The following RBFOX1 variants were observed in gnomAD, a reference collection of about 807,000 sequenced individuals.
The protein encoded by RBFOX1 is RNA binding protein fox-1 homolog 1.
Under a neutral mutation model 57.7 loss-of-function variants are expected in RBFOX1, and 8 were observed. The ratio of observed to expected loss-of-function variants is 0.14; its 90% confidence interval spans 0.08 to 0.25. The LOEUF is 0.25. Among genes scored for constraint, RBFOX1 ranks in the 10% least tolerant of loss-of-function variants. The pLI, the probability that RBFOX1 is intolerant of heterozygous loss-of-function variation, is 1.00. For missense variants in RBFOX1, 611 were observed against 548.5 expected (o/e 1.11, Z -1.14); for synonymous variants, 326 against 222.4 (o/e 1.47, Z -4.15).
At chr16:6,550,029 C>G (rs888600442) in intron 2 of RBFOX1, among the ~76,000 whole-genome samples, 2 of 152,146 alleles carry the variant, frequency 1.3e-5, no homozygotes, top group Non-Finnish European at 2.9e-5. Flanking sequence ...CAAATCCACC[C>G]AAGAAGTGGA....
At chr16:7,251,860 A>G (rs1444874018) in intron 4 of RBFOX1, among the ~76,000 whole-genome samples, 1 of 152,212 alleles carries the variant, frequency 6.6e-6, no homozygotes, top group Non-Finnish European at 1.5e-5. Flanking sequence ...CAGTAGTGGG[A>G]TTGCTGGAGC....
At chr16:6,946,923 ACGT>A (rs1194009405) in intron 3 of RBFOX1, among the ~76,000 whole-genome samples, 3 of 152,054 alleles carry the variant, frequency 2.0e-5, no homozygotes, top group African/African-American at 7.2e-5. Context: ...AACCTTTCAA[ACGT>A]TGTTATTTGG....
At chr16:6,482,162 C>T (rs1382887990) in intron 2 of RBFOX1, among the ~76,000 whole-genome samples, 1 of 152,124 alleles carries the variant, frequency 6.6e-6, no homozygotes, top group African/African-American at 2.4e-5. Context: ...CCAAGAAGGA[C>T]ACAGGCAGGA....
intron 3 of RBFOX1, among the ~76,000 whole-genome samples, chr16:5,807,810 G>C (rs2055282191): frequency 6.6e-6 from 1 of 152,200 alleles, no homozygotes. Context: ...TGGAGAGTCT[G>C]TGTACCTAAC....
intron 1 of RBFOX1, among the ~76,000 whole-genome samples, chr16:6,275,219 G>A (rs988765333): frequency 1.3e-5 from 2 of 152,078 alleles, no homozygotes; most frequent in East Asian, 3.9e-4. Flanking sequence ...GCTGAGGCAG[G>A]AGAAGGGTGT....
chr16:6,150,718 G>T (rs369593462), intron 1 of RBFOX1, among the ~76,000 whole-genome samples: 1 of 152,054 alleles, frequency 6.6e-6, no homozygotes, highest in African/African-American at 2.4e-5. Flanking sequence ...AATCTAAACC[G>T]CATGAGAGCT....
intron 1 of RBFOX1, chr16:5,270,521 T>C (rs960746261): frequency 3.1e-6 from 2 of 635,740 alleles, no homozygotes; most frequent in Non-Finnish European, 5.8e-6. Flanking sequence ...GGTTGAAAAA[T>C]GTTCAACAAT....
intron 1 of RBFOX1, among the ~76,000 whole-genome samples, chr16:6,315,018 C>T (rs1284910143): frequency 6.6e-6 from 1 of 152,190 alleles, no homozygotes; most frequent in Non-Finnish European, 1.5e-5. Context: ...CTGTAGGCAC[C>T]AAGGGGACAG....
chr16:6,959,600 C>G (rs1381525385), intron 3 of RBFOX1, among the ~76,000 whole-genome samples: 1 of 152,156 alleles, frequency 6.6e-6, no homozygotes, highest in Non-Finnish European at 1.5e-5. Flanking sequence ...AGGCAGGCCT[C>G]TGTAACAACT....
At chr16:5,299,133 A>G (rs778921920) in intron 1 of RBFOX1, among the ~76,000 whole-genome samples, 1 of 151,542 alleles carries the variant, frequency 6.6e-6, no homozygotes, top group Admixed American at 6.6e-5. Flanking sequence ...TTCCATCACA[A>G]TAAATTAAAT....
chr16:5,489,385 C>G (rs1435307479), intron 2 of RBFOX1, among the ~76,000 whole-genome samples: 3 of 152,218 alleles, frequency 2.0e-5, no homozygotes, highest in Non-Finnish European at 2.9e-5. Flanking sequence ...AAGGGCTGGG[C>G]TCTGAGACAC....
intron 11 of RBFOX1, among the ~76,000 whole-genome samples, chr16:7,636,750 A>C (rs2061823080): frequency 6.6e-6 from 1 of 152,188 alleles, no homozygotes. Flanking sequence ...TCAGGGTGCC[A>C]AGAAAGTTAG....
chr16:7,323,083 G>C (rs764486122), intron 4 of RBFOX1, among the ~76,000 whole-genome samples: 2 of 152,126 alleles, frequency 1.3e-5, no homozygotes, highest in Admixed American at 6.5e-5. Context: ...GATTGACTAA[G>C]GGGTGGAGAG....
At chr16:6,073,881 G>A (rs988000502) in intron 1 of RBFOX1, among the ~76,000 whole-genome samples, 2 of 152,158 alleles carry the variant, frequency 1.3e-5, no homozygotes, top group African/African-American at 2.4e-5. Context: ...TGGAGGGCCT[G>A]GAGGTGTTAC....
At chr16:6,381,258 A>G (rs2091785112) in intron 2 of RBFOX1, among the ~76,000 whole-genome samples, 1 of 152,226 alleles carries the variant, frequency 6.6e-6, no homozygotes, top group Non-Finnish European at 1.5e-5. Flanking sequence ...AGGTCTAAGC[A>G]TTTAGTGTAC....
In RBFOX1 at chr16:5,648,688, C is replaced by T. The variant is rs546399240; in HGVS notation, c.318+49727C>T. 3.3e-5 allele frequency among the ~76,000 whole-genome samples: 5 copies of T among 152,196 alleles called. No homozygotes were observed. In the East Asian group the frequency reaches 7.7e-4, roughly 24 times the overall value. On this transcript the variant is annotated intron_variant, in intron 3 of 19. Transcript: ENST00000641259. ...GAGAAAAGAAAAAAATGCATTTAGA[C>T]GTGGGCAGGACTGGAAGTTATTGAG... is the stretch of plus-strand genomic sequence containing the variant.
At chr16:7,280,254 C>T (rs1302131278) in intron 4 of RBFOX1, among the ~76,000 whole-genome samples, 2 of 152,190 alleles carry the variant, frequency 1.3e-5, no homozygotes, top group Non-Finnish European at 2.9e-5. Context: ...GCTTGTGTTT[C>T]AGAGGGCTTA....
chr16:6,593,240 C>G (rs2097738280), intron 2 of RBFOX1, among the ~76,000 whole-genome samples: 1 of 152,092 alleles, frequency 6.6e-6, no homozygotes. Context: ...TTCCACGTAC[C>G]CATCTCTCTC....
chr16:6,901,786 G>A (rs938219428), intron 3 of RBFOX1, among the ~76,000 whole-genome samples: 2 of 152,174 alleles, frequency 1.3e-5, no homozygotes, highest in African/African-American at 4.8e-5. Flanking sequence ...GAGATGGATT[G>A]AGAAGGAAGA....
Sources: allele counts gnomAD v4.1 joint callset (sites outside exome capture counted in the v4.1 genomes callset), GRCh38; gene constraint gnomAD v4.1.1; transcripts MANE v1.5; gene names NCBI Gene and HGNC (gene_info 2026-07-23, HGNC 2026-07-21).